Variants in ST7L observed in about 807,000 individuals in gnomAD.
ST7L encodes suppression of tumorigenicity 7 like, also known as suppressor of tumorigenicity 7 protein-like.
A neutral mutation model predicts 72.5 loss-of-function variants in ST7L; 57 were observed. The observed-to-expected ratio is 0.79, with a 90% confidence interval of 0.64 to 0.98. The LOEUF is 0.98. Ranked by LOEUF, ST7L falls within the 50% of genes least tolerant of loss-of-function variation. The probability of loss-of-function intolerance (pLI) is 0.00; values close to 1 mark genes in which losing one functional copy is unlikely to be tolerated. For missense variants in ST7L, 576 were observed against 672.2 expected, an observed-to-expected ratio of 0.86 and a Z score of 1.58; for synonymous variants, 221 against 240.9, an observed-to-expected ratio of 0.92 and a Z score of 0.77.
chr1:112,612,452 C>CA (rs1221475960), intron 2 of ST7L, among the ~76,000 whole-genome samples: 2 of 151,962 alleles, frequency 1.3e-5, no homozygotes, highest in East Asian at 1.9e-4. Context: ...GAACCCATCA[C>CA]AAAAAAATCA....
intron 11 of ST7L, chr1:112,571,404 T>C (rs1487132582): frequency 4.7e-6 from 2 of 423,502 alleles, no homozygotes; most frequent in African/African-American, 4.2e-5. Context: ...TGTATGTATA[T>C]CTATCTATCT....
chr1:112,555,564 CA>C (rs71584747), intron 12 of ST7L, among the ~76,000 whole-genome samples: 1 of 147,724 alleles, frequency 6.8e-6, no homozygotes, highest in Non-Finnish European at 1.5e-5. Flanking sequence ...GACTCCGTCT[CA>C]AAAAAAAACA....
chr1:112,518,384 G>A, the ST7L span: 1 of 152,138 alleles, frequency 6.6e-6, no homozygotes, highest in Admixed American at 6.5e-5. Flanking sequence ...AGCTATCTTC[G>A]GTACTGTTTG....
At chr1:112,559,555 C>A (rs1343344826) in intron 11 of ST7L, among the ~76,000 whole-genome samples, 1 of 152,050 alleles carries the variant, frequency 6.6e-6, no homozygotes, top group Non-Finnish European at 1.5e-5. Flanking sequence ...TTTTAAACAG[C>A]AACTATATAC....
intron 6 of ST7L, among the ~76,000 whole-genome samples, chr1:112,585,539 G>A (rs1424368160): frequency 6.6e-6 from 1 of 151,958 alleles, no homozygotes; most frequent in Admixed American, 6.6e-5. Flanking sequence ...TCAGGAGATC[G>A]AGACCACGGT....
At position 112,584,155 on chromosome 1, in the gene ST7L, A is replaced by C. The variant is rs1226253588; in HGVS notation, c.702-29T>G. On this transcript the variant is annotated intron_variant, in intron 6 of 14. Transcript: ENST00000358039. ...TGAAGAAAGCAAGAAGGCAATTTTA[A>C]ATAAAATGGTAAAGCAAGTGTTTTC... is the stretch of plus-strand genomic sequence containing the variant. 2.5e-6 allele frequency: 4 copies of C among 1,602,904 alleles called. No individual in the cohort carries two copies. The African/African-American group carries it at 5.4e-5, about 22-fold the overall frequency.
intron 11 of ST7L, among the ~76,000 whole-genome samples, chr1:112,568,507 T>C (rs1343330980): frequency 6.6e-6 from 1 of 151,440 alleles, no homozygotes; most frequent in African/African-American, 2.4e-5. Flanking sequence ...TGGCTAATTT[T>C]TGTATTTTTA....
In ST7L at chr1:112,610,882, G is replaced by A. The variant is rs753806427; in HGVS notation, c.410C>T (p.Ser137Leu). ...ESSISEPGSP[S>L]RNRENETSRQ... ...GCTGGTTTCATTTTCTCTGTTCCTC[G>A]AAGGAGAACCTGGTTCTGAAATGCT... Residue 137 changes from serine to leucine, a missense_variant, in exon 3 of 15, where the codon TCG becomes TTG. Coordinates refer to ENST00000358039, the MANE Select transcript of ST7L (RefSeq NM_017744.5). The A allele has an allele frequency of 1.2e-5, 19 of 1,614,080 alleles. No homozygotes were observed. In the East Asian group the frequency reaches 1.6e-4, roughly 13 times the overall value.
chr1:112,596,249 T>C (rs1421155180), intron 5 of ST7L, among the ~76,000 whole-genome samples: 1 of 152,222 alleles, frequency 6.6e-6, no homozygotes, highest in Non-Finnish European at 1.5e-5. Context: ...TTTCCTATCA[T>C]CCACTCTTAA....
intron 11 of ST7L, among the ~76,000 whole-genome samples, chr1:112,556,464 C>T (rs1231651279): frequency 6.6e-6 from 1 of 151,848 alleles, no homozygotes; most frequent in Non-Finnish European, 1.5e-5. Context: ...AATATTTGTG[C>T]AATTCTTTTT....
At chr1:112,543,519 G>C (rs1186530599) in intron 13 of ST7L, among the ~76,000 whole-genome samples, 1 of 152,200 alleles carries the variant, frequency 6.6e-6, no homozygotes. Flanking sequence ...CTGCACTCCA[G>C]CCTGGCAACA....
chr1:112,564,402 A>G (rs1362118758), intron 11 of ST7L, among the ~76,000 whole-genome samples: 7 of 152,170 alleles, frequency 4.6e-5, no homozygotes, highest in Admixed American at 2.0e-4. Context: ...AGACTTCAAC[A>G]CTTCTCCTTT....
chr1:112,543,146 T>G (rs1431214101), intron 13 of ST7L, among the ~76,000 whole-genome samples: 1 of 152,184 alleles, frequency 6.6e-6, no homozygotes, highest in Non-Finnish European at 1.5e-5. Flanking sequence ...AAGACTAGTA[T>G]GGAGAAAGAG....
chr1:112,556,078 G>A, intron 11 of ST7L, 60 bp from the exon 12 acceptor site: 3 of 1,264,568 alleles, frequency 2.4e-6, no homozygotes, highest in South Asian at 2.9e-5. Flanking sequence ...ATTAAATTGT[G>A]TTAAATTCAA....
chr1:112,582,967 A>G (rs1049249835), intron 7 of ST7L, among the ~76,000 whole-genome samples: 13 of 152,218 alleles, frequency 8.5e-5, no homozygotes, highest in Non-Finnish European at 1.9e-4. Context: ...TTGACAAACT[A>G]TAAAACTACT....
chr1:112,610,742 TG>T, intron 3 of ST7L, 98 bp downstream of exon 3: 2 of 1,405,302 alleles, frequency 1.4e-6, no homozygotes, highest in Non-Finnish European at 1.9e-6. Flanking sequence ...AACACAAACA[TG>T]CACACCACAG....
intron 13 of ST7L, among the ~76,000 whole-genome samples, chr1:112,543,462 C>T (rs1032587184): frequency 2.6e-5 from 4 of 152,176 alleles, no homozygotes; most frequent in African/African-American, 7.2e-5. Context: ...GCAGGAAAAT[C>T]GCTTGAACCC....
Position 112,582,115 on chromosome 1 carries a change from T to A in ST7L, c.955-9A>T. 6.4e-7 allele frequency: 1 copy of A among 1,555,306 alleles called. No individual in the cohort carries two copies. The highest frequency in any genetic ancestry group is 8.9e-7 in the Non-Finnish European group (1 of 1,129,428). ...GGAAATTCTTTCATCAACTGTATAT[T>A]AAAAGGAAAAGAAAGATTAAAATCA... On this transcript the variant is annotated splice_polypyrimidine_tract_variant and intron_variant, in intron 8 of 14. Coordinates refer to ENST00000358039, the MANE Select transcript of ST7L (RefSeq NM_017744.5).
At chr1:112,528,587 A>G (rs1653844490) in intron 14 of ST7L, 1 of 152,240 alleles carries the variant, frequency 6.6e-6, no homozygotes. Flanking sequence ...TAAGTAAGAG[A>G]TATCAAATAT....
Sources: allele counts gnomAD v4.1 joint callset (sites outside exome capture counted in the v4.1 genomes callset), GRCh38; gene constraint gnomAD v4.1.1; transcripts MANE v1.5; gene names NCBI Gene and HGNC (gene_info 2026-07-23, HGNC 2026-07-21).